The following ABCA9 variants were observed in gnomAD, a reference collection of about 807,000 sequenced individuals.
ABCA9 encodes ATP binding cassette subfamily A member 9, also known as ATP-binding cassette sub-family A member 9.
Under a neutral mutation model 205.3 loss-of-function variants are expected in ABCA9, and 183 were observed. The observed-to-expected ratio is 0.89, with a 90% CI of 0.79 to 1.01. The LOEUF is 1.01. ABCA9 is among the 50% of genes least tolerant of loss of function. The pLI is 0.00. For missense variants in ABCA9, 1,805 were observed against 1,912.4 expected, an observed-to-expected ratio of 0.94 and a Z score of 1.05; for synonymous variants, 651 against 683.3, an observed-to-expected ratio of 0.95 and a Z score of 0.74.
At chr17:68,979,843 C>T (rs879974597) in intron 37 of ABCA9, among the ~76,000 whole-genome samples, 1 of 152,100 alleles carries the variant, frequency 6.6e-6, no homozygotes, top group Admixed American at 6.5e-5. Context: ...AGAAGAAAAC[C>T]TAGGCAGTAC....
chr17:69,060,185 T>A (rs2072198160), intron 1 of ABCA9, among the ~76,000 whole-genome samples: 1 of 152,084 alleles, frequency 6.6e-6, no homozygotes, highest in South Asian at 2.1e-4. Flanking sequence ...AGAGAAAAAA[T>A]ATACTACCCA....
intron 6 of ABCA9, chr17:69,042,608 A>T (rs1341271887): frequency 1.3e-5 from 2 of 152,148 alleles, no homozygotes; most frequent in Non-Finnish European, 2.9e-5. Flanking sequence ...AATATTGGAA[A>T]CCTCACGTGT....
At chr17:68,976,853 T>A (rs1166353091) in intron 37 of ABCA9, among the ~76,000 whole-genome samples, 1 of 152,222 alleles carries the variant, frequency 6.6e-6, no homozygotes, top group Non-Finnish European at 1.5e-5. Context: ...GTTTACCATC[T>A]GATACCAATT....
rs116701652 is a variant in ABCA9 at position 68,985,932 on chromosome 17, T to C, written c.4208+232A>G. Among the ~76,000 whole-genome samples the C allele has an allele frequency of 8.0e-3, 1,199 of 150,786 alleles. 20 individuals carry two copies. The highest frequency in any genetic ancestry group is 0.028 in the African/African-American group (1,131 of 40,830). ...TCCAGCCTGGGCGGCAGAGCCAAAC[T>C]CCGTCTCAAAAGAAAAAAAAAGGAA... On this transcript the variant is annotated intron_variant, in intron 32 of 38. Coordinates refer to ENST00000340001, the MANE Select transcript of ABCA9 (RefSeq NM_080283.4).
chr17:69,070,663 G>A, the ABCA9 span, among the ~76,000 whole-genome samples: 1 of 152,166 alleles, frequency 6.6e-6, no homozygotes, highest in Non-Finnish European at 1.5e-5. Flanking sequence ...AAAGCTGGAT[G>A]GCCATTTGGG....
intron 21 of ABCA9, among the ~76,000 whole-genome samples, chr17:69,016,627 T>C (rs2070625998): frequency 6.6e-6 from 1 of 152,104 alleles, no homozygotes; most frequent in Non-Finnish European, 1.5e-5. Flanking sequence ...TGCCCAAACA[T>C]CACAAAACAA....
At chr17:68,990,502 C>T (rs2069412357) in intron 29 of ABCA9, among the ~76,000 whole-genome samples, 1 of 152,216 alleles carries the variant, frequency 6.6e-6, no homozygotes, top group Non-Finnish European at 1.5e-5. Context: ...CAGCCTCAGC[C>T]TTCTGAGTAG....
At chr17:69,062,139 TAA>T (rs879494478), upstream of ABCA9, among the ~76,000 whole-genome samples, 5 of 131,834 alleles carry the variant, frequency 3.8e-5, no homozygotes, top group Non-Finnish European at 3.3e-5. Context: ...CTGTCAAACT[TAA>T]AAAAAAAAAA....
intron 16 of ABCA9, 128 bp from the exon 17 acceptor site, chr17:69,024,481 C>T (rs2070919588): frequency 1.1e-6 from 1 of 873,436 alleles, no homozygotes; most frequent in East Asian, 2.9e-5. Context: ...GTTTACTGGA[C>T]AAAGTAAGAT....
rs537889906 is a variant in ABCA9, at chr17:68,983,728, G to A, written c.4621C>T (p.Gln1541Ter). The A allele has an allele frequency of 6.2e-7, 1 of 1,614,170 alleles. No homozygotes were observed. Among genetic ancestry groups the A allele is most frequent in the Non-Finnish European group, 8.5e-7 (1 of 1,180,024 alleles). ...GTCTACCTTTCCTGCTGAGCAGCCT[G>A]GGGGAAAAGCCTCAGGATCTCTGCA... Reference protein sequence around the residue: ...LHAEILRLFPQAAQQERFSSL... With the variant: ...LHAEILRLFP The change falls in exon 36 of 39, where the codon CAG becomes TAG. Residue 1541 changes from glutamine (Q) to a stop codon, truncating the protein, a stop_gained. Transcript: ENST00000340001. LOFTEE classifies it high-confidence loss of function.
chr17:69,071,486 C>G, the ABCA9 span, among the ~76,000 whole-genome samples: 13 of 152,288 alleles, frequency 8.5e-5, no homozygotes, highest in African/African-American at 2.9e-4. Context: ...CTCCAGTAGA[C>G]CTGCAGAAGA....
upstream of ABCA9, among the ~76,000 whole-genome samples, chr17:69,062,874 G>A (rs1048369693): frequency 6.6e-6 from 1 of 151,858 alleles, no homozygotes; most frequent in African/African-American, 2.4e-5. Context: ...TCCCATGGGA[G>A]TTCAAAAATG....
intron 6 of ABCA9, 87 bp downstream of exon 6, chr17:69,043,402 G>A (rs2071610691): frequency 8.8e-7 from 1 of 1,138,448 alleles, no homozygotes; most frequent in Non-Finnish European, 1.2e-6. Flanking sequence ...GTGGCCTGGG[G>A]CTTGGGGACC....
At chr17:69,032,012 G>T in intron 10 of ABCA9, 96 bp downstream of exon 10, 1 of 1,194,214 alleles carries the variant, frequency 8.4e-7, no homozygotes, top group Non-Finnish European at 1.2e-6. Context: ...GGGTACAGAG[G>T]GCACAGAAGG....
chr17:69,073,006 G>T, the ABCA9 span, among the ~76,000 whole-genome samples: 1 of 152,048 alleles, frequency 6.6e-6, no homozygotes, highest in East Asian at 1.9e-4. Context: ...ACAAAGAAGG[G>T]CATTACATAA....
chr17:68,995,767 G>C, intron 26 of ABCA9, 128 bp downstream of exon 26: 1 of 1,252,024 alleles, frequency 8.0e-7, no homozygotes. Flanking sequence ...CAAGAGAACT[G>C]ACTTTCCAAA....
intron 19 of ABCA9, among the ~76,000 whole-genome samples, chr17:69,019,343 T>C (rs2070739936): frequency 6.6e-6 from 1 of 152,162 alleles, no homozygotes; most frequent in Admixed American, 6.6e-5. Flanking sequence ...TGCAAACTCC[T>C]TAGCTCTTTG....
the ABCA9 span, among the ~76,000 whole-genome samples, chr17:69,078,532 C>G: frequency 6.6e-6 from 1 of 152,086 alleles, no homozygotes; most frequent in Non-Finnish European, 1.5e-5. Context: ...TTCTGGAACA[C>G]TTTCAGAAGA....
intron 32 of ABCA9, among the ~76,000 whole-genome samples, chr17:68,985,360 AT>A (rs1367499407): frequency 6.6e-6 from 1 of 152,232 alleles, no homozygotes; most frequent in Non-Finnish European, 1.5e-5. Context: ...ACAGTGGCTC[AT>A]GCCTGTAATC....
Sources: allele counts gnomAD v4.1 joint callset (sites outside exome capture counted in the v4.1 genomes callset), GRCh38; gene constraint gnomAD v4.1.1; transcripts MANE v1.5; gene names NCBI Gene and HGNC (gene_info 2026-07-23, HGNC 2026-07-21).